Variants in ANK2 observed in about 807,000 individuals in gnomAD.
The protein encoded by ANK2 is ankyrin-2.
ANK2 carries 83 observed loss-of-function variants against 360.5 expected under a neutral mutation model. The ratio of observed to expected loss-of-function variants is 0.23; its 90% confidence interval spans 0.19 to 0.28. The LOEUF (loss-of-function observed/expected upper bound fraction) is 0.28, where lower values mean the gene tolerates loss of function less well. Ranked by LOEUF, ANK2 falls within the 10% of genes least tolerant of loss-of-function variation. The pLI is 1.00. For synonymous variants in ANK2, 1,740 were observed against 1,759.5 expected (o/e 0.99, Z 0.28); for missense variants, 4,201 against 4,795.7 (o/e 0.88, Z 3.66).
intron 2 of ANK2, among the ~76,000 whole-genome samples, chr4:112,942,760 G>GT (rs2094319415): frequency 6.6e-6 from 1 of 151,584 alleles, no homozygotes; most frequent in Non-Finnish European, 1.5e-5. Context: ...TCGCAAATAA[G>GT]TAAGTTTTAT....
At chr4:113,103,733 T>G (rs1194181913) in intron 1 of ANK2, among the ~76,000 whole-genome samples, 1 of 152,140 alleles carries the variant, frequency 6.6e-6, no homozygotes, top group African/African-American at 2.4e-5. Flanking sequence ...ATTGTCAGTG[T>G]TTTAAAAGTC....
At chr4:113,058,473 TA>T (rs1000111443) in intron 1 of ANK2, among the ~76,000 whole-genome samples, 5 of 151,934 alleles carry the variant, frequency 3.3e-5, no homozygotes, top group African/African-American at 4.8e-5. Flanking sequence ...TATTCTAGTT[TA>T]AAAAAAATGA....
At chr4:112,796,166 T>C in the ANK2 span, among the ~76,000 whole-genome samples, 37 of 152,068 alleles carry the variant, frequency 2.4e-4, no homozygotes, top group Non-Finnish European at 4.3e-4. Context: ...GGCTCACACC[T>C]GTAACCCTAG....
chr4:113,081,464 A>C (rs1189405792), intron 1 of ANK2, among the ~76,000 whole-genome samples: 1 of 152,240 alleles, frequency 6.6e-6, no homozygotes, highest in Non-Finnish European at 1.5e-5. Context: ...TGATTCTCGT[A>C]GTATGACATT....
Position 113,292,419 on chromosome 4 carries a change from G to A in ANK2, c.2281G>A (p.Gly761Ser), listed in dbSNP as rs774769455. 37 of 1,609,284 alleles carry A rather than the reference G, an allele frequency of 2.3e-5. No homozygotes were observed. The East Asian group carries it at 6.9e-4, about 30-fold the overall frequency. ...GANVNAKTKN[G>S]YTPLHQAAQQ... ...CCGCCACCACTGTCCTCCACAGAAC[G>A]GCTACACGCCTTTGCACCAGGCCGC... is the stretch of plus-strand genomic sequence containing the variant. The change falls in exon 21 of 46, where the codon GGC becomes AGC. Residue 761 changes from glycine to serine, a missense_variant. By Grantham distance (56) the Gly-to-Ser change is moderately conservative. Coordinates refer to ENST00000357077, the MANE Select transcript of ANK2 (RefSeq NM_001148.6).
chr4:113,179,946 T>C (rs995853870), intron 2 of ANK2, among the ~76,000 whole-genome samples: 2 of 152,256 alleles, frequency 1.3e-5, no homozygotes, highest in African/African-American at 4.8e-5. Context: ...CTGGATATGA[T>C]ACCAGTGATT....
the ANK2 span, among the ~76,000 whole-genome samples, chr4:112,750,472 G>GTA: frequency 1.9e-3 from 283 of 151,016 alleles, no homozygotes; most frequent in African/African-American, 6.2e-3. Context: ...ACAATATTCA[G>GTA]TATATATATA....
chr4:113,008,344 G>GC (rs1251285459), intron 2 of ANK2, among the ~76,000 whole-genome samples: 1 of 152,094 alleles, frequency 6.6e-6, no homozygotes, highest in East Asian at 1.9e-4. Flanking sequence ...GTTTGCTTTT[G>GC]CAAGTGTAGC....
chr4:113,086,699 TG>T (rs993222882), intron 1 of ANK2, among the ~76,000 whole-genome samples: 5 of 152,128 alleles, frequency 3.3e-5, no homozygotes, highest in Admixed American at 6.6e-5. Flanking sequence ...CAGAGAGTGA[TG>T]GGGGGCTCTT....
chr4:113,184,231 G>A (rs1220300640), intron 2 of ANK2, among the ~76,000 whole-genome samples: 1 of 151,766 alleles, frequency 6.6e-6, no homozygotes, highest in Non-Finnish European at 1.5e-5. Flanking sequence ...TTGGGAAATG[G>A]GAAGTGATAG....
intron 39 of ANK2, 30 bp from the exon 40 acceptor site, chr4:113,363,308 G>GTAT (rs757874428): frequency 2.7e-5 from 43 of 1,608,576 alleles, no homozygotes; most frequent in Non-Finnish European, 5.1e-6. Flanking sequence ...TGAAGTTAAT[G>GTAT]TGTTTACAAA....
the ANK2 span, among the ~76,000 whole-genome samples, chr4:112,709,041 G>A: frequency 6.6e-6 from 1 of 152,128 alleles, no homozygotes; most frequent in Non-Finnish European, 1.5e-5. Context: ...AAATGAGAAG[G>A]ACAAGGAAAA....
At chr4:113,192,020 A>G (rs2098673202) in intron 2 of ANK2, among the ~76,000 whole-genome samples, 1 of 152,212 alleles carries the variant, frequency 6.6e-6, no homozygotes, top group South Asian at 2.1e-4. Flanking sequence ...ATGAAAATTA[A>G]GTTCAGAAAA....
In ANK2 at chr4:113,255,743, G is replaced by C; in HGVS notation, c.999G>C (p.Leu333=). 3.1e-6 allele frequency: 5 copies of C among 1,613,962 alleles called. No individual in the cohort carries two copies. Among genetic ancestry groups the C allele is most frequent in the Non-Finnish European group, 4.2e-6 (5 of 1,179,988 alleles). Residue 333 remains leucine, a synonymous_variant, in exon 11 of 46, where the codon CTG becomes CTC. Coordinates refer to ENST00000357077, the MANE Select transcript of ANK2 (RefSeq NM_001148.6). ...TTTCTTTTAATGTGCAGAATGGGCT[G>C]TCTCCACTACACATGGCTGCCCAGG... ...APLLARTKNG[L]SPLHMAAQGD... is the part of the protein sequence containing the mutation.
At chr4:112,896,094 A>G (rs1560995837) in intron 1 of ANK2, among the ~76,000 whole-genome samples, 1 of 152,228 alleles carries the variant, frequency 6.6e-6, no homozygotes, top group Non-Finnish European at 1.5e-5. Flanking sequence ...TCTGACAGAG[A>G]AAAAGGAGCT....
At chr4:112,872,755 C>T (rs1427218737) in intron 1 of ANK2, among the ~76,000 whole-genome samples, 1 of 152,136 alleles carries the variant, frequency 6.6e-6, no homozygotes, top group African/African-American at 2.4e-5. Context: ...CCCTCCTCTT[C>T]TATTTTTTGG....
the ANK2 span, among the ~76,000 whole-genome samples, chr4:112,803,599 C>T: frequency 9.1e-4 from 138 of 152,222 alleles, no homozygotes; most frequent in African/African-American, 3.2e-3. Context: ...TTGATCTCAA[C>T]CCTGTGAAAC....
chr4:113,226,246 C>T (rs4834324), intron 4 of ANK2, among the ~76,000 whole-genome samples: 110,278 of 152,018 alleles, frequency 0.73, 40,421 homozygotes, highest in South Asian at 0.79. Flanking sequence ...GTCAAACCCC[C>T]GTACAAAAAC....
At chr4:112,889,842 C>T (rs1415947081) in intron 1 of ANK2, among the ~76,000 whole-genome samples, 3 of 152,144 alleles carry the variant, frequency 2.0e-5, no homozygotes, top group Non-Finnish European at 4.4e-5. Flanking sequence ...ACACAATTAC[C>T]ACATAATGTT....
Sources: allele counts gnomAD v4.1 joint callset (sites outside exome capture counted in the v4.1 genomes callset), GRCh38; gene constraint gnomAD v4.1.1; transcripts MANE v1.5; gene names NCBI Gene and HGNC (gene_info 2026-07-23, HGNC 2026-07-21).